The following MEF2C variants were observed in gnomAD, a reference collection of about 807,000 sequenced individuals.
MEF2C encodes myocyte enhancer factor 2C, also known as myocyte-specific enhancer factor 2C.
MEF2C carries 6 observed loss-of-function variants against 50.5 expected under a neutral mutation model. The observed-to-expected ratio is 0.12, with a 90% CI of 0.07 to 0.23. MEF2C has a LOEUF of 0.23. Among genes scored for constraint, MEF2C ranks in the 10% least tolerant of loss-of-function variants. The pLI is 1.00. For synonymous variants in MEF2C, 183 were observed against 228.0 expected (o/e 0.80, Z 1.78); for missense variants, 276 against 605.0 (o/e 0.46, Z 5.70).
chr5:88,884,062 A>C (rs540759467), upstream of MEF2C, among the ~76,000 whole-genome samples: 1 of 152,344 alleles, frequency 6.6e-6, no homozygotes, highest in African/African-American at 2.4e-5. Flanking sequence ...AAATGAAGAC[A>C]ACACGGCGAG....
intron 1 of MEF2C, among the ~76,000 whole-genome samples, chr5:88,875,216 A>G (rs1022148669): frequency 1.3e-5 from 2 of 152,062 alleles, no homozygotes; most frequent in Non-Finnish European, 2.9e-5. Flanking sequence ...TATTATACAC[A>G]GAACTTACAC....
intron 1 of MEF2C, among the ~76,000 whole-genome samples, chr5:88,869,266 TATATATATATAC>T (rs1206667394): frequency 1.1e-3 from 75 of 70,618 alleles, no homozygotes; most frequent in Middle Eastern, 7.6e-3. Context: ...TATATATATA[TATATATATATAC>T]ATATATATAT....
In MEF2C at chr5:88,720,348, T is replaced by A. The variant is rs1755888493; in HGVS notation, c.*2256A>T. ...AAATGGTTGATAGATTTTTTTTTTT[T>A]AATATATAAAACATTAGTACAAGGC... On this transcript the variant is annotated 3_prime_UTR_variant, in exon 11 of 11. Transcript: ENST00000504921. 2 of 152,252 alleles carry A rather than the reference T, an allele frequency of 1.3e-5. No homozygotes were observed. Among genetic ancestry groups the A allele is most frequent in the African/African-American group, 4.8e-5 (2 of 41,344 alleles). The allele number at this position is 152,252 out of a possible 1,614,324, so 9.4% of individuals were successfully genotyped here.
At chr5:88,865,468 G>A (rs1442357653) in intron 1 of MEF2C, among the ~76,000 whole-genome samples, 1 of 152,134 alleles carries the variant, frequency 6.6e-6, no homozygotes, top group East Asian at 1.9e-4. Context: ...TTACTAATAA[G>A]TTTATGCAAT....
chr5:88,728,371 T>C (rs1348485931), intron 10 of MEF2C, 122 bp downstream of exon 10: 1 of 802,974 alleles, frequency 1.2e-6, no homozygotes, highest in East Asian at 3.4e-5. Flanking sequence ...AAATTACACT[T>C]GGATTTCAAT....
intron 1 of MEF2C, among the ~76,000 whole-genome samples, chr5:88,864,402 C>T (rs1826559362): frequency 6.6e-6 from 1 of 151,814 alleles, no homozygotes. Flanking sequence ...TAAGAGCTCC[C>T]AGGCAGCTCG....
rs1240766454 is a variant in MEF2C, at chr5:88,721,335, G to GA, written c.*1268dup. Reference sequence around the variant, plus strand: ...GCAAAAAACAAAATAAAAATAGCATGAAAGAAACTAGTATATACAATGGAT... The same window carrying GA: ...GCAAAAAACAAAATAAAAATAGCATGAAAAGAAACTAGTATATACAATGGAT... On this transcript the variant is annotated 3_prime_UTR_variant, in exon 11 of 11. Transcript: ENST00000504921. 6.6e-6 allele frequency: 1 copy of GA among 152,558 alleles called. No homozygotes were observed. Among genetic ancestry groups the GA allele is most frequent in the Non-Finnish European group, 1.5e-5 (1 of 67,996 alleles). 9.5% of individuals were successfully genotyped at this position (152,558 alleles called of 1,614,324 possible). A position where few individuals can be genotyped will look rare whatever the true frequency, so the allele number is the denominator to read the frequency against.
At chr5:88,823,621 C>A in intron 2 of MEF2C, 114 bp downstream of exon 2, 3 of 1,002,808 alleles carry the variant, frequency 3.0e-6, no homozygotes, top group South Asian at 4.2e-5. Context: ...ATTTAATTAA[C>A]CCAAACTTCT....
intron 3 of MEF2C, among the ~76,000 whole-genome samples, chr5:88,791,922 A>G (rs1379377580): frequency 1.3e-5 from 2 of 151,964 alleles, no homozygotes; most frequent in South Asian, 4.1e-4. Flanking sequence ...TTTATGGAAA[A>G]TACTAATACT....
chr5:88,876,936 A>G (rs1348996336), intron 1 of MEF2C, among the ~76,000 whole-genome samples: 1 of 151,998 alleles, frequency 6.6e-6, no homozygotes, highest in Non-Finnish European at 1.5e-5. Context: ...TGGAAAAAGC[A>G]GGTTCTCAAA....
intron 1 of MEF2C, chr5:88,881,013 C>T (rs1206079677): frequency 1.3e-5 from 2 of 151,926 alleles, no homozygotes; most frequent in African/African-American, 4.8e-5. Flanking sequence ...TGCTGCCTTT[C>T]CTAAGAAGTC....
chr5:88,826,848 T>C (rs1309474612), intron 1 of MEF2C, among the ~76,000 whole-genome samples: 1 of 151,820 alleles, frequency 6.6e-6, no homozygotes, highest in Non-Finnish European at 1.5e-5. Flanking sequence ...ACTACTTTTT[T>C]TCCACAGGAA....
chr5:88,897,502 A>C, intron 1 of MEF2C, among the ~76,000 whole-genome samples: 1 of 152,176 alleles, frequency 6.6e-6, no homozygotes. Flanking sequence ...CATAATAAGC[A>C]CTGTCTGTAT....
intron 2 of MEF2C, among the ~76,000 whole-genome samples, chr5:88,812,317 G>A (rs934606866): frequency 1.3e-5 from 2 of 152,124 alleles, no homozygotes; most frequent in African/African-American, 4.8e-5. Context: ...TATGGACAGA[G>A]GAATTATAGT....
chr5:88,842,141 A>G (rs190568835), intron 1 of MEF2C, among the ~76,000 whole-genome samples: 1 of 152,244 alleles, frequency 6.6e-6, no homozygotes, highest in East Asian at 1.9e-4. Context: ...TCTATGCTAC[A>G]TAGTATATTT....
chr5:88,730,443 G>A (rs372200978), intron 7 of MEF2C, among the ~76,000 whole-genome samples: 1 of 152,030 alleles, frequency 6.6e-6, no homozygotes, highest in East Asian at 1.9e-4. Flanking sequence ...CAATCTACCC[G>A]GTTTTCAGCC....
chr5:88,799,051 G>A (rs891567528), intron 3 of MEF2C, among the ~76,000 whole-genome samples: 8 of 152,160 alleles, frequency 5.3e-5, no homozygotes, highest in South Asian at 2.1e-4. Flanking sequence ...GTTGCCAGCC[G>A]GAGCTCTCTC....
In MEF2C at chr5:88,871,786, T is replaced by C. The variant is rs967272653; in HGVS notation, c.-143+11169A>G. Among the ~76,000 whole-genome samples, 8 of 152,236 alleles carry C rather than the reference T, an allele frequency of 5.3e-5. No homozygotes were observed. The South Asian group carries it at 1.2e-3, about 24-fold the overall frequency. On this transcript the variant is annotated intron_variant, in intron 1 of 10. Transcript: ENST00000504921. Reference sequence around the variant, plus strand: ...CTCAGGTACAATTCTGCATTTTCTATACTTTATGTTTTTTTCTTACATAAA... The same window carrying C: ...CTCAGGTACAATTCTGCATTTTCTACACTTTATGTTTTTTTCTTACATAAA...
intron 3 of MEF2C, chr5:88,770,072 C>T: frequency 1.1e-6 from 1 of 877,292 alleles, no homozygotes; most frequent in East Asian, 1.2e-4. Context: ...AAAGACAAGA[C>T]AGAACTATAA....
Sources: allele counts gnomAD v4.1 joint callset (sites outside exome capture counted in the v4.1 genomes callset), GRCh38; gene constraint gnomAD v4.1.1; transcripts MANE v1.5; gene names NCBI Gene and HGNC (gene_info 2026-07-23, HGNC 2026-07-21).